HCRTR2: variants seen among roughly 807,000 people sequenced by gnomAD.
HCRTR2 encodes orexin receptor type 2.
A neutral mutation model predicts 49.0 loss-of-function variants in HCRTR2; 22 were observed. The ratio of observed to expected loss-of-function variants is 0.45; its 90% CI spans 0.32 to 0.64. The LOEUF (loss-of-function observed/expected upper bound fraction) is 0.64, where lower values mean the gene tolerates loss of function less well. Ranked by LOEUF, HCRTR2 falls within the 30% of genes least tolerant of loss-of-function variation. HCRTR2 has a pLI of 0.04. For missense variants in HCRTR2, 491 were observed against 559.4 expected (o/e 0.88, Z 1.23); for synonymous variants, 236 against 205.3 (o/e 1.15, Z -1.28).
rs139180472 is a variant in HCRTR2 at position 55,192,413 on chromosome 6, G to GCGCGCACA, written c.223+17604_223+17605insGCGCACAC. Among the ~76,000 whole-genome samples, 450 of 128,516 alleles carry GCGCGCACA rather than the reference G, an allele frequency of 3.5e-3. 3 individuals carry two copies. Among genetic ancestry groups the GCGCGCACA allele is most frequent in the Middle Eastern group, 0.019 (5 of 258 alleles). The allele number at this position is 128,516 out of a possible 152,430, so 84.3% of individuals were successfully genotyped here. On this transcript the variant is annotated intron_variant, in intron 1 of 6. Coordinates refer to ENST00000370862, the MANE Select transcript of HCRTR2 (RefSeq NM_001384272.1). ...TAAACACACACACACGCGCGCGCGCGCACACACACACACACACACACACAC... is the reference window on the plus strand; with the variant it reads ...TAAACACACACACACGCGCGCGCGCGCGCGCACACACACACACACACACACACACACAC...
At chr6:55,213,827 C>A (rs1317186788) in intron 1 of HCRTR2, among the ~76,000 whole-genome samples, 1 of 152,170 alleles carries the variant, frequency 6.6e-6, no homozygotes, top group Non-Finnish European at 1.5e-5. Flanking sequence ...ACAAGGGCAA[C>A]AGTTTGGACT....
intron 1 of HCRTR2, among the ~76,000 whole-genome samples, chr6:55,129,239 G>A (rs532662429): frequency 6.6e-6 from 1 of 152,090 alleles, no homozygotes; most frequent in Non-Finnish European, 1.5e-5. Context: ...TCTCACTCAT[G>A]GATCAAAATG....
intron 3 of HCRTR2, among the ~76,000 whole-genome samples, chr6:55,255,707 G>A (rs1047519576): frequency 6.6e-6 from 1 of 151,996 alleles, no homozygotes; most frequent in Non-Finnish European, 1.5e-5. Context: ...ATACAAATCC[G>A]ATTATGTATT....
At chr6:55,228,876 G>T (rs1002599774) in intron 1 of HCRTR2, among the ~76,000 whole-genome samples, 2 of 152,130 alleles carry the variant, frequency 1.3e-5, no homozygotes, top group Non-Finnish European at 2.9e-5. Context: ...ATGTAGAAAT[G>T]ACTTAACCAA....
chr6:55,239,816 C>T lies in HCRTR2; in HGVS notation c.224-8823C>T, dbSNP rs536251131. 5.4e-4 allele frequency among the ~76,000 whole-genome samples: 70 copies of T among 129,768 alleles called. 1 individual carries two copies. The highest frequency in any genetic ancestry group is 9.1e-4 in the Non-Finnish European group (59 of 64,694). 85.1% of individuals were successfully genotyped at this position (129,768 alleles called of 152,430 possible). ...TTTTTGAGACGGAGTCTCACTCTGTCGCCCAGGCTGGAGCACAGTGGCACG... is the reference window on the plus strand; with the variant it reads ...TTTTTGAGACGGAGTCTCACTCTGTTGCCCAGGCTGGAGCACAGTGGCACG... On this transcript the variant is annotated intron_variant, in intron 1 of 6. Transcript: ENST00000370862.
At chr6:55,126,699 C>T (rs1468124350) in intron 1 of HCRTR2, among the ~76,000 whole-genome samples, 1 of 138,908 alleles carries the variant, frequency 7.2e-6, no homozygotes, top group Non-Finnish European at 1.7e-5. Context: ...GCCCCAGGTG[C>T]TCTGTCCCAG....
At chr6:55,206,905 C>G (rs1206600201) in intron 1 of HCRTR2, among the ~76,000 whole-genome samples, 8 of 151,992 alleles carry the variant, frequency 5.3e-5, no homozygotes, top group Non-Finnish European at 5.9e-5. Context: ...CAGGATTTAT[C>G]ATGCAGTGAA....
At chr6:55,183,903 A>C (rs1412066196) in intron 1 of HCRTR2, among the ~76,000 whole-genome samples, 2 of 152,088 alleles carry the variant, frequency 1.3e-5, no homozygotes, top group African/African-American at 4.8e-5. Context: ...TGAATATTTA[A>C]ATTTGAGAAG....
rs1562020342 is a variant in HCRTR2 at position 55,245,469 on chromosome 6, T to TATATATATATATATATA, written c.224-3170_224-3169insATATATATATATATATA. 1.1e-3 allele frequency among the ~76,000 whole-genome samples: 62 copies of TATATATATATATATATA among 56,764 alleles called. 1 individual carries two copies. Among genetic ancestry groups the TATATATATATATATATA allele is most frequent in the African/African-American group, 2.2e-3 (38 of 17,620 alleles). The allele number at this position is 56,764 out of a possible 152,430, so 37.2% of individuals were successfully genotyped here. A position where few individuals can be genotyped will look rare whatever the true frequency, so the allele number is the denominator to read the frequency against. On this transcript the variant is annotated intron_variant, in intron 1 of 6. Transcript: ENST00000370862. ...TACACATAGAATACATAGGAAGATT[T>TATATATATATATATATA]TATATATATATATATATATATATAT...
At chr6:55,201,076 T>C (rs545590315) in intron 1 of HCRTR2, among the ~76,000 whole-genome samples, 2 of 152,246 alleles carry the variant, frequency 1.3e-5, no homozygotes, top group African/African-American at 2.4e-5. Flanking sequence ...AGAGTAGGAA[T>C]TAAGGTAGAC....
At chr6:55,111,580 A>G (rs1022836640) in intron 1 of HCRTR2, among the ~76,000 whole-genome samples, 6 of 151,984 alleles carry the variant, frequency 3.9e-5, no homozygotes, top group Non-Finnish European at 8.8e-5. Flanking sequence ...GAAATATACA[A>G]GCTCCTAGAT....
intron 4 of HCRTR2, among the ~76,000 whole-genome samples, chr6:55,271,158 C>A (rs1050380955): frequency 2.0e-5 from 3 of 152,058 alleles, no homozygotes; most frequent in Admixed American, 1.3e-4. Context: ...CAAAAAGCCA[C>A]AGTAACTAAG....
At chr6:55,112,548 C>CAAAAAA (rs34704863) in intron 1 of HCRTR2, among the ~76,000 whole-genome samples, 1 of 79,168 alleles carries the variant, frequency 1.3e-5, no homozygotes. Flanking sequence ...ACAATAGCTG[C>CAAAAAA]AAAAAAAAAA....
chr6:55,134,942 T>C (rs1764412997), intron 1 of HCRTR2, among the ~76,000 whole-genome samples: 1 of 151,996 alleles, frequency 6.6e-6, no homozygotes, highest in South Asian at 2.1e-4. Context: ...AATAATACTG[T>C]GATGAACATG....
At chr6:55,198,301 C>G (rs1765453850) in intron 1 of HCRTR2, among the ~76,000 whole-genome samples, 1 of 152,082 alleles carries the variant, frequency 6.6e-6, no homozygotes, top group Admixed American at 6.6e-5. Flanking sequence ...CAACCCTAAC[C>G]CTAACATTAA....
At chr6:55,142,737 C>A (rs115791779) in intron 1 of HCRTR2, among the ~76,000 whole-genome samples, 1 of 150,918 alleles carries the variant, frequency 6.6e-6, no homozygotes, top group African/African-American at 2.4e-5. Context: ...ATGCACACAC[C>A]GAGATTTAAT....
At chr6:55,196,682 T>C (rs1391170380) in intron 1 of HCRTR2, among the ~76,000 whole-genome samples, 1 of 152,128 alleles carries the variant, frequency 6.6e-6, no homozygotes, top group Non-Finnish European at 1.5e-5. Context: ...CCAACCTATA[T>C]GATTCAGGTG....
chr6:55,249,891 G>T (rs1264301552), intron 2 of HCRTR2, among the ~76,000 whole-genome samples: 2 of 151,924 alleles, frequency 1.3e-5, no homozygotes, highest in South Asian at 2.1e-4. Flanking sequence ...CAGTTTTTAC[G>T]CCATGCAGTC....
chr6:55,237,791 A>C (rs1051278014), intron 1 of HCRTR2, among the ~76,000 whole-genome samples: 2 of 152,230 alleles, frequency 1.3e-5, no homozygotes, highest in African/African-American at 2.4e-5. Flanking sequence ...AATAGAAACT[A>C]TTTTGTAATA....
Sources: gnomAD v4.1 joint callset for allele counts (sites outside exome capture counted in the v4.1 genomes callset) on GRCh38, gnomAD v4.1.1 for gene constraint, MANE v1.5 for transcripts, NCBI Gene and HGNC (gene_info 2026-07-23, HGNC 2026-07-21) for gene names.